ADAMTSL1: variants seen among roughly 807,000 people sequenced by gnomAD.
ADAMTSL1 encodes the protein ADAMTS-like protein 1.
A neutral mutation model predicts 201.8 loss-of-function variants in ADAMTSL1; 126 were observed. That is an observed-to-expected ratio of 0.62 (90% confidence interval 0.54 to 0.72). The LOEUF is 0.72. ADAMTSL1 is among the 30% of genes least tolerant of loss of function. The probability of loss-of-function intolerance (pLI) is 0.00; values close to 1 mark genes in which losing one functional copy is unlikely to be tolerated. For missense variants in ADAMTSL1, 2,679 were observed against 2,277.8 expected (o/e 1.18, Z -3.59); for synonymous variants, 1,121 against 903.4 (o/e 1.24, Z -4.32).
chr9:18,396,916 T>C (rs1462653043), intron 2 of ADAMTSL1, among the ~76,000 whole-genome samples: 2 of 152,178 alleles, frequency 1.3e-5, no homozygotes, highest in African/African-American at 4.8e-5. Context: ...CATTCCTAAA[T>C]AGGGGTCCTA....
intron 3 of ADAMTSL1, among the ~76,000 whole-genome samples, chr9:18,562,395 A>T (rs1821571629): frequency 1.3e-5 from 2 of 152,118 alleles, no homozygotes; most frequent in African/African-American, 4.8e-5. Flanking sequence ...CTGCTGTTAG[A>T]CTGATGGGCT....
rs1354573808 is a variant in ADAMTSL1, at chr9:18,905,786, A to G, written c.4856A>G (p.Asn1619Ser). ...EWAFSSWGQC[N>S]GPCIGPHLAV... Reference sequence around the variant, plus strand: ...TTACCTTTTTCTGCTTTCCAGTGCAATGGGCCTTGCATCGGGCCTCACCTA... The same window carrying G: ...TTACCTTTTTCTGCTTTCCAGTGCAGTGGGCCTTGCATCGGGCCTCACCTA... Residue 1619 changes from asparagine to serine, a missense_variant, in exon 27 of 29, where the codon AAT becomes AGT. Physicochemically the swap from Asn to Ser is conservative, Grantham distance 46. Coordinates refer to ENST00000380548, the MANE Select transcript of ADAMTSL1 (RefSeq NM_001040272.6). 1.9e-6 allele frequency: 3 copies of G among 1,612,638 alleles called. No individual in the cohort carries two copies. Among genetic ancestry groups the G allele is most frequent in the Non-Finnish European group, 1.7e-6 (2 of 1,179,352 alleles).
chr9:18,380,917 T>C (rs542834426), intron 2 of ADAMTSL1, among the ~76,000 whole-genome samples: 2 of 152,314 alleles, frequency 1.3e-5, no homozygotes, highest in African/African-American at 4.8e-5. Context: ...GAGAACCCTT[T>C]ATGCTGAAGG....
intron 2 of ADAMTSL1, among the ~76,000 whole-genome samples, chr9:18,203,830 A>T (rs1408753395): frequency 6.6e-6 from 1 of 152,122 alleles, no homozygotes; most frequent in African/African-American, 2.4e-5. Context: ...ACACATAAAC[A>T]CCGTCAGTGG....
chr9:18,514,366 G>C (rs915833280), intron 2 of ADAMTSL1, among the ~76,000 whole-genome samples: 4 of 114,360 alleles, frequency 3.5e-5, no homozygotes, highest in African/African-American at 1.4e-4. Flanking sequence ...AAGTCTCGCT[G>C]TCTCCCAGGC....
At chr9:18,534,863 G>A (rs374670068) in intron 3 of ADAMTSL1, among the ~76,000 whole-genome samples, 3 of 152,232 alleles carry the variant, frequency 2.0e-5, no homozygotes, top group African/African-American at 2.4e-5. Context: ...GGGACACAGG[G>A]CACCAAGTCC....
intron 7 of ADAMTSL1, among the ~76,000 whole-genome samples, chr9:18,652,189 T>C (rs1242633749): frequency 6.6e-6 from 1 of 151,892 alleles, no homozygotes; most frequent in Non-Finnish European, 1.5e-5. Flanking sequence ...CTGGCCAAGA[T>C]GGTGAAACCC....
At chr9:17,957,275 A>G (rs530078863) in intron 1 of ADAMTSL1, among the ~76,000 whole-genome samples, 3 of 152,062 alleles carry the variant, frequency 2.0e-5, no homozygotes, top group Non-Finnish European at 4.4e-5. Flanking sequence ...ATTGGAGTTG[A>G]CTCCCCAGAA....
intron 2 of ADAMTSL1, among the ~76,000 whole-genome samples, chr9:18,327,770 A>G (rs1356970296): frequency 6.6e-6 from 1 of 152,236 alleles, no homozygotes; most frequent in Non-Finnish European, 1.5e-5. Flanking sequence ...AGAGTTATAC[A>G]CTGAGTTTAA....
In ADAMTSL1 at chr9:18,611,863, C is replaced by A. The variant is rs189692529; in HGVS notation, c.475-10380C>A. The stretch of plus-strand genomic sequence containing the variant: ...CCACAGAGGCTGCCGAAGTTCCTAC[C>A]CTTTGGTGGAGGTGGGAGTGTGTAG... On this transcript the variant is annotated intron_variant, in intron 4 of 28. Coordinates refer to ENST00000380548, the MANE Select transcript of ADAMTSL1 (RefSeq NM_001040272.6). Among the ~76,000 whole-genome samples, 32 of 152,312 alleles carry A rather than the reference C, an allele frequency of 2.1e-4. 1 individual carries two copies. In the East Asian group the frequency reaches 5.6e-3, roughly 27 times the overall value.
intron 1 of ADAMTSL1, among the ~76,000 whole-genome samples, chr9:18,054,233 G>A (rs1430476484): frequency 1.3e-5 from 2 of 152,184 alleles, no homozygotes; most frequent in Non-Finnish European, 2.9e-5. Context: ...GAGAAACCAT[G>A]TAAAAGCCCA....
rs1818204020 is a variant in ADAMTSL1 at position 17,971,495 on chromosome 9, CAATTA to C, written c.87+64580_87+64584del. 2.0e-5 allele frequency among the ~76,000 whole-genome samples: 3 copies of C among 151,888 alleles called. No homozygotes were observed. The South Asian group carries it at 6.2e-4, about 32-fold the overall frequency. On this transcript the variant is annotated intron_variant, in intron 1 of 29. Coordinates refer to the ADAMTSL1 transcript ENST00000680146. ...AATTAGAAGTCTTACAATTGGTACA[CAATTA>C]AATTAACCTATGGTATAAACGTTTC...
chr9:18,634,484 GC>G (rs1431481481), intron 5 of ADAMTSL1, among the ~76,000 whole-genome samples: 1 of 151,808 alleles, frequency 6.6e-6, no homozygotes, highest in Admixed American at 6.6e-5. Flanking sequence ...GATCTCTTGA[GC>G]CCGGGAAGCT....
chr9:18,519,467 A>T (rs1026605799), intron 2 of ADAMTSL1, among the ~76,000 whole-genome samples: 2 of 152,176 alleles, frequency 1.3e-5, no homozygotes, highest in African/African-American at 2.4e-5. Flanking sequence ...TTTGTAAGCT[A>T]TTGCCCTCTC....
chr9:18,344,053 C>CA (rs1173881682), intron 2 of ADAMTSL1, among the ~76,000 whole-genome samples: 4 of 151,852 alleles, frequency 2.6e-5, no homozygotes, highest in Non-Finnish European at 4.4e-5. Flanking sequence ...TCATCTTTTT[C>CA]AAAAAAACCA....
chr9:18,292,022 T>C (rs769935221), intron 2 of ADAMTSL1, among the ~76,000 whole-genome samples: 2 of 152,064 alleles, frequency 1.3e-5, no homozygotes, highest in Non-Finnish European at 2.9e-5. Context: ...CCAGAGCAAG[T>C]GGAGAAGAAC....
chr9:18,752,676 A>G (rs991250508), intron 15 of ADAMTSL1, among the ~76,000 whole-genome samples: 1 of 152,176 alleles, frequency 6.6e-6, no homozygotes, highest in Admixed American at 6.5e-5. Flanking sequence ...CATCCAGATA[A>G]TGAGCCACTC....
At chr9:18,161,833 G>A (rs1420160949) in intron 1 of ADAMTSL1, among the ~76,000 whole-genome samples, 1 of 152,014 alleles carries the variant, frequency 6.6e-6, no homozygotes, top group Non-Finnish European at 1.5e-5. Flanking sequence ...AGTAATTTAG[G>A]TTAGCCAGAA....
chr9:18,896,545 T>C (rs778097205), intron 26 of ADAMTSL1, among the ~76,000 whole-genome samples: 42 of 152,232 alleles, frequency 2.8e-4, no homozygotes, highest in Non-Finnish European at 4.6e-4. Context: ...GGTTCTCTCA[T>C]TGGGACTGAC....
Sources: gnomAD v4.1 joint callset for allele counts (sites outside exome capture counted in the v4.1 genomes callset) on GRCh38, gnomAD v4.1.1 for gene constraint, MANE v1.5 for transcripts, NCBI Gene and HGNC (gene_info 2026-07-23, HGNC 2026-07-21) for gene names.